ASTN1: variants seen among roughly 807,000 people sequenced by gnomAD.
ASTN1 encodes the protein astrotactin 1, also known as astrotactin-1.
Under a neutral mutation model 140.7 loss-of-function variants are expected in ASTN1, and 41 were observed. That is an observed-to-expected ratio of 0.29 (90% CI 0.23 to 0.38). The LOEUF is 0.38. ASTN1 is among the 10% of genes least tolerant of loss of function. The pLI is 1.00. For synonymous variants in ASTN1, 640 were observed against 652.2 expected (o/e 0.98, Z 0.29); for missense variants, 1,479 against 1,678.8 (o/e 0.88, Z 2.08).
chr1:176,946,751 T>C (rs1671975719), intron 12 of ASTN1, among the ~76,000 whole-genome samples: 2 of 152,220 alleles, frequency 1.3e-5, no homozygotes, highest in Non-Finnish European at 2.9e-5. Flanking sequence ...GTGAATGCCA[T>C]GTGCACCATT....
intron 2 of ASTN1, among the ~76,000 whole-genome samples, chr1:177,047,131 G>A (rs904004811): frequency 1.3e-5 from 2 of 152,186 alleles, no homozygotes; most frequent in African/African-American, 2.4e-5. Context: ...GCACAGGTAA[G>A]GATGATGCAG....
intron 5 of ASTN1, among the ~76,000 whole-genome samples, chr1:177,028,300 A>G (rs538521225): frequency 2.6e-5 from 4 of 152,290 alleles, no homozygotes; most frequent in South Asian, 2.1e-4. Flanking sequence ...AAAATTTGTA[A>G]TAAGTATCAA....
At chr1:177,022,852 A>T (rs2101955281) in intron 7 of ASTN1, among the ~76,000 whole-genome samples, 1 of 152,344 alleles carries the variant, frequency 6.6e-6, no homozygotes, top group Non-Finnish European at 1.5e-5. Context: ...AGGATTATTT[A>T]ATGATTCTGG....
At chr1:176,996,291 A>T (rs59738801) in intron 8 of ASTN1, among the ~76,000 whole-genome samples, 264 of 140,368 alleles carry the variant, frequency 1.9e-3, no homozygotes, top group Middle Eastern at 7.4e-3. Context: ...TCTCTCTCTC[A>T]CACACACACA....
At chr1:176,857,456 C>T (rs1667846629), downstream of ASTN1, 3 of 407,304 alleles carry the variant, frequency 7.4e-6, no homozygotes, top group African/African-American at 2.1e-5. Flanking sequence ...ATAGGAGCAA[C>T]CTATCAGATT....
chr1:177,104,895 C>T (rs1426465365), intron 1 of ASTN1, among the ~76,000 whole-genome samples: 1 of 152,138 alleles, frequency 6.6e-6, no homozygotes, highest in Non-Finnish European at 1.5e-5. Context: ...GTCCTCTGGG[C>T]CTTACTGTTA....
chr1:177,085,214 A>G (rs1352843455), intron 1 of ASTN1, among the ~76,000 whole-genome samples: 2 of 152,268 alleles, frequency 1.3e-5, no homozygotes, highest in Non-Finnish European at 2.9e-5. Flanking sequence ...TCTAAATATC[A>G]TTTAGCTTTT....
chr1:177,050,959 G>GA (rs1236632180), intron 2 of ASTN1, among the ~76,000 whole-genome samples: 4 of 151,660 alleles, frequency 2.6e-5, no homozygotes, highest in South Asian at 4.2e-4. Flanking sequence ...GACTCACAGG[G>GA]AAAAAAAACA....
intron 16 of ASTN1, among the ~76,000 whole-genome samples, chr1:176,904,197 C>CCA (rs1477933265): frequency 6.6e-6 from 1 of 152,152 alleles, no homozygotes; most frequent in Non-Finnish European, 1.5e-5. Flanking sequence ...CTTCCCTGAC[C>CCA]CACAGCCTGT....
At chr1:176,873,032 GGCTTAATGTGTATTGAAT>G (rs1452021486) in intron 21 of ASTN1, among the ~76,000 whole-genome samples, 1 of 152,168 alleles carries the variant, frequency 6.6e-6, no homozygotes, top group Admixed American at 6.5e-5. Context: ...ATTTAGTAAG[GGCTTAATGTGTATTGAAT>G]GACATAATGA....
chr1:177,056,834 T>C (rs941596719), intron 2 of ASTN1, among the ~76,000 whole-genome samples: 5 of 152,198 alleles, frequency 3.3e-5, no homozygotes, highest in Non-Finnish European at 7.3e-5. Flanking sequence ...AGAGTCTGAA[T>C]ATCTGACATG....
chr1:176,979,469 C>CCCGGTT (rs1196285974), intron 8 of ASTN1, among the ~76,000 whole-genome samples: 2 of 152,120 alleles, frequency 1.3e-5, no homozygotes, highest in African/African-American at 4.8e-5. Flanking sequence ...TCAGAGAGGC[C>CCCGGTT]CCGGTTCCCC....
intron 16 of ASTN1, among the ~76,000 whole-genome samples, chr1:176,906,483 G>A (rs532639748): frequency 1.4e-4 from 21 of 152,280 alleles, no homozygotes; most frequent in Admixed American, 4.6e-4. Context: ...GCAGACAGAA[G>A]AGTAGACAAT....
chr1:177,091,422 T>A (rs932221757), intron 1 of ASTN1, among the ~76,000 whole-genome samples: 8 of 152,170 alleles, frequency 5.3e-5, no homozygotes, highest in Non-Finnish European at 1.0e-4. Context: ...CTTGTCAGAT[T>A]CAGCCCATCT....
At chr1:176,989,735 G>T (rs189519951) in intron 8 of ASTN1, among the ~76,000 whole-genome samples, 1 of 152,148 alleles carries the variant, frequency 6.6e-6, no homozygotes, top group Non-Finnish European at 1.5e-5. Context: ...GATAATGGAC[G>T]AATAATGGCT....
intron 6 of ASTN1, 59 bp from the exon 7 acceptor site, chr1:177,023,630 C>A (rs567967359): frequency 2.1e-5 from 31 of 1,459,450 alleles, no homozygotes; most frequent in Non-Finnish European, 2.6e-5. Context: ...CGTCCACAAG[C>A]CACCGAAGAC....
chr1:176,961,479 T>G (rs1234905456), intron 9 of ASTN1, among the ~76,000 whole-genome samples: 1 of 152,170 alleles, frequency 6.6e-6, no homozygotes, highest in East Asian at 1.9e-4. Context: ...TAGCGTGGCC[T>G]CATTTATCCT....
intron 16 of ASTN1, among the ~76,000 whole-genome samples, chr1:176,905,203 G>T (rs764413489): frequency 8.3e-4 from 127 of 152,258 alleles, no homozygotes; most frequent in Non-Finnish European, 1.5e-3. Flanking sequence ...ACTTGCCCCA[G>T]CTCCACAGTA....
At chr1:176,953,503 C>A (rs1672279048) in intron 11 of ASTN1, among the ~76,000 whole-genome samples, 1 of 152,252 alleles carries the variant, frequency 6.6e-6, no homozygotes, top group Admixed American at 6.5e-5. Context: ...TGCAGGACTT[C>A]TCCCAAGGGG....
Sources: allele counts gnomAD v4.1 joint callset (sites outside exome capture counted in the v4.1 genomes callset), GRCh38; gene constraint gnomAD v4.1.1; transcripts MANE v1.5; gene names NCBI Gene and HGNC (gene_info 2026-07-23, HGNC 2026-07-21).